The following FAM133A variants were observed in gnomAD, a reference collection of about 807,000 sequenced individuals.
FAM133A encodes family with sequence similarity 133 member A.
For synonymous variants in FAM133A, 65 were observed against 58.6 expected, an observed-to-expected ratio of 1.11 and a Z score of -0.50; for missense variants, 159 against 164.4, an observed-to-expected ratio of 0.97 and a Z score of 0.18.
intron 3 of FAM133A, among the ~76,000 whole-genome samples, chrX:93,708,457 T>C (rs1285335149): frequency 2.7e-5 from 3 of 111,473 alleles, no homozygotes; most frequent in Non-Finnish European, 5.7e-5. Context: ...TATTAAGAGG[T>C]TGATGTAAGG....
chrX:93,674,799 A>C lies in FAM133A; in HGVS notation c.-193+47A>C, dbSNP rs182855480. ...TTTTAAAGAATGACAAAAATTACTC[A>C]TCTCCATCTGAATAAAAGTTTACAG... On this transcript the variant is annotated intron_variant, in intron 2 of 3. Coordinates refer to ENST00000683942, the MANE Select transcript of FAM133A (RefSeq NM_001171109.2). 1.8e-3 allele frequency: 200 copies of C among 111,666 alleles called. 1 individual carries two copies. The highest frequency in any genetic ancestry group is 6.1e-3 in the African/African-American group (188 of 30,787). The allele number at this position is 111,666 out of a possible 1,213,427, so 9.2% of individuals were successfully genotyped here.
intron 2 of FAM133A, among the ~76,000 whole-genome samples, chrX:93,689,294 G>A (rs555986176): frequency 9.1e-6 from 1 of 110,460 alleles, no homozygotes; most frequent in African/African-American, 3.3e-5. Context: ...CTCCCACCTC[G>A]GCCTCCCAAA....
intron 2 of FAM133A, among the ~76,000 whole-genome samples, chrX:93,686,462 G>T (rs1440793517): frequency 8.9e-6 from 1 of 112,101 alleles, no homozygotes; most frequent in African/African-American, 3.2e-5. Flanking sequence ...ACAAGCAACA[G>T]AAATAGACTC....
At chrX:93,674,581 T>C (rs2147565327) in intron 1 of FAM133A, 100 bp from the exon 2 acceptor site, 1 of 111,863 alleles carries the variant, frequency 8.9e-6, no homozygotes, top group Non-Finnish European at 1.9e-5. Context: ...TGTTGTAAAA[T>C]TCTAGCCATA....
chrX:93,695,410 C>G (rs969795592), intron 2 of FAM133A, among the ~76,000 whole-genome samples: 2 of 109,437 alleles, frequency 1.8e-5, no homozygotes, highest in African/African-American at 6.7e-5. Flanking sequence ...CGTGCCACCA[C>G]GCCTGGCTAA....
At position 93,708,609 on chromosome X, in the gene FAM133A, T is replaced by C. The variant is rs148071133; in HGVS notation, c.-103-708T>C. Among the ~76,000 whole-genome samples, 5 of 112,104 alleles carry C rather than the reference T, an allele frequency of 4.5e-5. No homozygotes were observed. The East Asian group carries it at 1.1e-3, about 25-fold the overall frequency. On this transcript the variant is annotated intron_variant, in intron 3 of 3. Transcript: ENST00000683942. Reference sequence around the variant, plus strand: ...AATTCTCTAAGCCTCAGTTTATCTATCTGTGAAATAGAGACAATGATAGGA... The same window carrying C: ...AATTCTCTAAGCCTCAGTTTATCTACCTGTGAAATAGAGACAATGATAGGA...
Position 93,710,789 on chromosome X carries a change from A to G in FAM133A, c.*623A>G, listed in dbSNP as rs1927396335. The G allele has an allele frequency of 2.4e-5, 3 of 122,896 alleles. 1 individual carries two copies. Among genetic ancestry groups the G allele is most frequent in the Middle Eastern group, 9.1e-3 (2 of 220 alleles). The allele number at this position is 122,896 out of a possible 1,213,427, so 10.1% of individuals were successfully genotyped here. Reference sequence around the variant, plus strand: ...TTCTGGGGTGTTGTATGCTGCTTCAAGTGAACAAGAAGGACAGGAGTTTAC... The same window carrying G: ...TTCTGGGGTGTTGTATGCTGCTTCAGGTGAACAAGAAGGACAGGAGTTTAC... On this transcript the variant is annotated 3_prime_UTR_variant, in exon 4 of 4. Transcript: ENST00000683942.
At chrX:93,697,089 G>A (rs1296280863) in intron 2 of FAM133A, among the ~76,000 whole-genome samples, 1 of 106,966 alleles carries the variant, frequency 9.3e-6, no homozygotes, top group Non-Finnish European at 1.9e-5. Context: ...GTAAACTCAT[G>A]ACAAGTTCCC....
rs376335726 is a variant in FAM133A, at chrX:93,679,915, A to ATTTT, written c.-193+5203_-193+5206dup. On this transcript the variant is annotated intron_variant, in intron 2 of 3. Coordinates refer to ENST00000683942, the MANE Select transcript of FAM133A (RefSeq NM_001171109.2). ...AGGTGTGTACCACCACTCCTGGCAA[A>ATTTT]TTTTTTTTTTTTTTTTTTTTTTTTT... Among the ~76,000 whole-genome samples, 130 of 62,398 alleles carry ATTTT rather than the reference A, an allele frequency of 2.1e-3. 9 individuals carry two copies. The highest frequency in any genetic ancestry group is 5.3e-3 in the African/African-American group (63 of 11,991). The allele number at this position is 62,398 out of a possible 115,157, so 54.2% of individuals were successfully genotyped here.
intron 3 of FAM133A, among the ~76,000 whole-genome samples, chrX:93,702,490 A>C (rs1926764630): frequency 9.0e-6 from 1 of 111,435 alleles, no homozygotes; most frequent in African/African-American, 3.3e-5. Context: ...CGATACTGGT[A>C]TAAATAAGTG....
In FAM133A at chrX:93,676,674, A is replaced by G. The variant is rs1924725891; in HGVS notation, c.-193+1922A>G. ...TTTGGATGCTTTTCAAGGATTACAG[A>G]TTACTACTTAACCACTCACACTGAT... On this transcript the variant is annotated intron_variant, in intron 2 of 3. Transcript: ENST00000683942. Among the ~76,000 whole-genome samples, 3 of 108,434 alleles carry G rather than the reference A, an allele frequency of 2.8e-5. No homozygotes were observed. The Admixed American group carries it at 3.0e-4, about 11-fold the overall frequency. 94.2% of individuals were successfully genotyped at this position (108,434 alleles called of 115,157 possible).
chrX:93,678,608 G>A (rs1924888405), intron 2 of FAM133A, among the ~76,000 whole-genome samples: 1 of 111,390 alleles, frequency 9.0e-6, no homozygotes, highest in African/African-American at 3.3e-5. Context: ...ATACTTTTAG[G>A]TTTTGCATTT....
intron 2 of FAM133A, among the ~76,000 whole-genome samples, chrX:93,693,321 G>C (rs149265821): frequency 0.025 from 2,819 of 110,951 alleles, 38 homozygotes; most frequent in Non-Finnish European, 0.038. Flanking sequence ...ATAGCCATCT[G>C]TATTATGTAT....
chrX:93,698,349 A>G (rs1189225869), intron 2 of FAM133A, 48 bp from the exon 3 acceptor site: 8 of 111,908 alleles, frequency 7.1e-5, no homozygotes, highest in Non-Finnish European at 9.4e-5. Flanking sequence ...TGTTAGTGCA[A>G]TAACTTTGAC....
chrX:93,682,959 G>A (rs1925268635), intron 2 of FAM133A, among the ~76,000 whole-genome samples: 1 of 111,852 alleles, frequency 8.9e-6, no homozygotes, highest in Non-Finnish European at 1.9e-5. Context: ...TTCATTTTTA[G>A]CCTTTAATTG....
chrX:93,703,847 C>T (rs1926875235), intron 3 of FAM133A, among the ~76,000 whole-genome samples: 1 of 112,276 alleles, frequency 8.9e-6, no homozygotes, highest in Non-Finnish European at 1.9e-5. Context: ...CTGTTTGTCA[C>T]TTGACAGTTC....
At chrX:93,704,168 A>C (rs1056537795) in intron 3 of FAM133A, among the ~76,000 whole-genome samples, 1 of 111,876 alleles carries the variant, frequency 8.9e-6, no homozygotes, top group East Asian at 2.8e-4. Flanking sequence ...TAAATTTTCC[A>C]AAAAAACCTC....
chrX:93,681,202 G>A (rs1341910108), intron 2 of FAM133A, among the ~76,000 whole-genome samples: 1 of 110,134 alleles, frequency 9.1e-6, no homozygotes, highest in Non-Finnish European at 1.9e-5. Flanking sequence ...TTGAAAAATG[G>A]ACAATGTTTA....
chrX:93,709,569 T>TA lies in FAM133A; in HGVS notation c.157dup (p.Thr53AsnfsTer8). Reference sequence around the variant, plus strand: ...AAGAAGTAAAGAAACAATTAGAAAATAAAAAAACAGGTTCAAAAGCATTAG... The same window carrying TA: ...AAGAAGTAAAGAAACAATTAGAAAATAAAAAAAACAGGTTCAAAAGCATTAG... On this transcript the variant is annotated frameshift_variant, in exon 4 of 4. Transcript: ENST00000683942. LOFTEE classifies it low-confidence loss of function (END_TRUNC). 8 of 1,198,546 alleles carry TA rather than the reference T, an allele frequency of 6.7e-6. No individual in the cohort carries two copies. Among genetic ancestry groups the TA allele is most frequent in the Non-Finnish European group, 9.0e-6 (8 of 890,603 alleles).
Sources: allele counts gnomAD v4.1 joint callset (sites outside exome capture counted in the v4.1 genomes callset), GRCh38; gene constraint gnomAD v4.1.1; transcripts MANE v1.5; gene names NCBI Gene and HGNC (gene_info 2026-07-23, HGNC 2026-07-21).